RALYL: variants seen among roughly 807,000 people sequenced by gnomAD.
RALYL encodes RNA-binding Raly-like protein.
In RALYL, 29 loss-of-function variants were observed where a neutral mutation model predicts 35.1. The observed-to-expected ratio is 0.83, with a 90% CI of 0.61 to 1.13. The LOEUF (loss-of-function observed/expected upper bound fraction) is 1.13, where lower values mean the gene tolerates loss of function less well. Among genes scored for constraint, RALYL ranks in the 50% most tolerant of loss-of-function variants. The pLI is 0.00. For missense variants in RALYL, 359 were observed against 360.4 expected (o/e 1.00, Z 0.03); for synonymous variants, 120 against 127.6 (o/e 0.94, Z 0.40).
In RALYL at chr8:84,262,885, A is replaced by G. The variant is rs532213644; in HGVS notation, c.-24+78461A>G. Reference sequence around the variant, plus strand: ...TTTATACATCTATGTGTGGTTGGTCACTGTAAAATATGCCTCTAGCTAAGG... The same window carrying G: ...TTTATACATCTATGTGTGGTTGGTCGCTGTAAAATATGCCTCTAGCTAAGG... On this transcript the variant is annotated intron_variant, in intron 1 of 8. Coordinates refer to ENST00000521268, the MANE Select transcript of RALYL (RefSeq NM_173848.7). Among the ~76,000 whole-genome samples, 5 of 152,298 alleles carry G rather than the reference A, an allele frequency of 3.3e-5. No homozygotes were observed. The South Asian group carries it at 1.0e-3, about 32-fold the overall frequency.
intron 1 of RALYL, among the ~76,000 whole-genome samples, chr8:84,505,964 C>G (rs2057132988): frequency 6.6e-6 from 1 of 151,980 alleles, no homozygotes; most frequent in Non-Finnish European, 1.5e-5. Context: ...GATTTTTGTA[C>G]TTTCCTTACA....
chr8:84,554,614 G>A (rs1411105243), intron 2 of RALYL, among the ~76,000 whole-genome samples: 2 of 152,092 alleles, frequency 1.3e-5, no homozygotes, highest in African/African-American at 4.8e-5. Flanking sequence ...CGTTTCTCCA[G>A]CACCTGGTAA....
intron 1 of RALYL, among the ~76,000 whole-genome samples, chr8:84,447,563 A>G (rs548899409): frequency 4.3e-4 from 66 of 152,116 alleles, no homozygotes; most frequent in African/African-American, 1.3e-3. Context: ...AACAACAGCA[A>G]TGGGTGGCTG....
chr8:84,741,592 C>T (rs563733727), intron 2 of RALYL, among the ~76,000 whole-genome samples: 7 of 152,004 alleles, frequency 4.6e-5, no homozygotes, highest in South Asian at 4.2e-4. Context: ...TCATTAATCC[C>T]GTTTGTAATG....
chr8:84,419,758 C>T (rs1408039624), intron 1 of RALYL, among the ~76,000 whole-genome samples: 1 of 141,616 alleles, frequency 7.1e-6, no homozygotes. Context: ...CATGTGATCT[C>T]ATTGTTCAAT....
At chr8:84,381,301 T>A (rs1563822544) in intron 1 of RALYL, among the ~76,000 whole-genome samples, 1 of 151,906 alleles carries the variant, frequency 6.6e-6, no homozygotes, top group Non-Finnish European at 1.5e-5. Context: ...GAATTGTGTA[T>A]GTGTGTATAT....
At chr8:84,752,374 T>C (rs756832705) in intron 2 of RALYL, among the ~76,000 whole-genome samples, 11 of 152,160 alleles carry the variant, frequency 7.2e-5, no homozygotes, top group Non-Finnish European at 1.2e-4. Flanking sequence ...CTGGAACTTA[T>C]ATTTAAAAGG....
intron 1 of RALYL, among the ~76,000 whole-genome samples, chr8:84,497,827 G>C (rs2056226716): frequency 6.6e-6 from 1 of 151,724 alleles, no homozygotes; most frequent in African/African-American, 2.4e-5. Flanking sequence ...GTTTTTAGTA[G>C]AGACGGGGTT....
intron 1 of RALYL, among the ~76,000 whole-genome samples, chr8:84,238,216 T>C (rs1827044257): frequency 6.6e-6 from 1 of 152,114 alleles, no homozygotes; most frequent in African/African-American, 2.4e-5. Flanking sequence ...CAGTACGACA[T>C]TCATTAATGA....
intron 1 of RALYL, among the ~76,000 whole-genome samples, chr8:84,305,412 T>C (rs1049795999): frequency 3.3e-5 from 5 of 152,162 alleles, no homozygotes; most frequent in African/African-American, 4.8e-5. Context: ...AATTGGAGGA[T>C]ATTAAAAAAC....
chr8:84,717,117 G>T (rs970861475), intron 2 of RALYL, among the ~76,000 whole-genome samples: 1 of 152,110 alleles, frequency 6.6e-6, no homozygotes, highest in Non-Finnish European at 1.5e-5. Context: ...AACCCAGGAG[G>T]CGGAGGTTGC....
intron 1 of RALYL, among the ~76,000 whole-genome samples, chr8:84,187,936 T>C (rs1372545882): frequency 6.6e-6 from 1 of 152,066 alleles, no homozygotes; most frequent in Non-Finnish European, 1.5e-5. Context: ...GATATAACTC[T>C]ACATTTCAAG....
At chr8:84,729,411 A>G (rs900111523) in intron 2 of RALYL, among the ~76,000 whole-genome samples, 1 of 152,070 alleles carries the variant, frequency 6.6e-6, no homozygotes. Context: ...TATAGCACTT[A>G]ATGCCCACAG....
intron 1 of RALYL, among the ~76,000 whole-genome samples, chr8:84,372,886 GTTTTTTTTTTT>G (rs76885544): frequency 2.0e-4 from 8 of 39,062 alleles, no homozygotes; most frequent in East Asian, 6.7e-4. Flanking sequence ...GCCAGCATCT[GTTTTTTTTTTT>G]TTTTTTTTTT....
chr8:84,687,318 A>G (rs960594596), intron 2 of RALYL, among the ~76,000 whole-genome samples: 5 of 152,268 alleles, frequency 3.3e-5, no homozygotes, highest in Admixed American at 6.5e-5. Flanking sequence ...TTCATGTCTT[A>G]TAATTTCCAA....
At chr8:84,362,815 A>G (rs1853353408) in intron 1 of RALYL, among the ~76,000 whole-genome samples, 2 of 152,158 alleles carry the variant, frequency 1.3e-5, no homozygotes, top group South Asian at 4.1e-4. Flanking sequence ...ACAGGATTTG[A>G]GAATATATTG....
intron 2 of RALYL, among the ~76,000 whole-genome samples, chr8:84,554,700 AAATACC>A (rs1201396258): frequency 2.0e-5 from 3 of 152,184 alleles, no homozygotes; most frequent in Admixed American, 2.0e-4. Flanking sequence ...ATCACAAACC[AAATACC>A]AATCATTCGA....
intron 2 of RALYL, among the ~76,000 whole-genome samples, chr8:84,714,145 A>C (rs1589152863): frequency 6.6e-6 from 1 of 152,010 alleles, no homozygotes; most frequent in Non-Finnish European, 1.5e-5. Context: ...TGAATAAGCC[A>C]GGTACAGAAA....
In RALYL at chr8:84,693,855, G is replaced by A. The variant is rs189168598; in HGVS notation, c.257-80724G>A. Among the ~76,000 whole-genome samples, 188 of 151,728 alleles carry A rather than the reference G, an allele frequency of 1.2e-3. 1 individual carries two copies. The highest frequency in any genetic ancestry group is 3.5e-3 in the African/African-American group (146 of 41,446). On this transcript the variant is annotated intron_variant, in intron 2 of 8. Transcript: ENST00000521268. Reference sequence around the variant, plus strand: ...GATTCACCGTATTAACATAATGAAGGAGAAAAACCATATGATCACCTCAAA... The same window carrying A: ...GATTCACCGTATTAACATAATGAAGAAGAAAAACCATATGATCACCTCAAA...
Sources: allele counts gnomAD v4.1 joint callset (sites outside exome capture counted in the v4.1 genomes callset), GRCh38; gene constraint gnomAD v4.1.1; transcripts MANE v1.5; gene names NCBI Gene and HGNC (gene_info 2026-07-23, HGNC 2026-07-21).